M1AP: variants seen among roughly 807,000 people sequenced by gnomAD.
The protein encoded by M1AP is meiosis 1 associated protein, also known as meiosis 1 arrest protein.
Under a neutral mutation model 51.2 loss-of-function variants are expected in M1AP, and 39 were observed. The observed-to-expected ratio is 0.76, with a 90% CI of 0.59 to 1.00. M1AP has a LOEUF of 1.00. Ranked by LOEUF, M1AP falls within the 50% of genes least tolerant of loss-of-function variation. The pLI is 0.00. For missense variants in M1AP, 545 were observed against 641.2 expected (o/e 0.85, Z 1.62); for synonymous variants, 251 against 249.2 (o/e 1.01, Z -0.07).
chr2:74,603,963 C>T (rs1181016923), intron 4 of M1AP, among the ~76,000 whole-genome samples: 2 of 152,150 alleles, frequency 1.3e-5, no homozygotes, highest in Admixed American at 6.5e-5. Flanking sequence ...AAGGCCAGTA[C>T]AGCCCAAAAG....
chr2:74,646,540 T>C (rs1040374011), intron 1 of M1AP, among the ~76,000 whole-genome samples: 1 of 152,182 alleles, frequency 6.6e-6, no homozygotes, highest in African/African-American at 2.4e-5. Flanking sequence ...CTTTCAGAGA[T>C]ATTTTACAAA....
chr2:74,595,152 A>C (rs1175682876), intron 4 of M1AP, among the ~76,000 whole-genome samples: 1 of 152,086 alleles, frequency 6.6e-6, no homozygotes, highest in Non-Finnish European at 1.5e-5. Context: ...AGTAGCTGGG[A>C]CTACAGGTGT....
At chr2:74,562,504 C>CT in intron 7 of M1AP, 81 bp from the exon 8 acceptor site, 1 of 1,519,168 alleles carries the variant, frequency 6.6e-7, no homozygotes, top group Admixed American at 1.9e-5. Flanking sequence ...TGAAGTTTCC[C>CT]TGACTTCCAG....
Position 74,558,721 on chromosome 2 carries a change from G to A in M1AP, c.1588C>T (p.Pro530Ser), listed in dbSNP as rs1677677427. Residue 530 changes from proline to serine, a missense_variant, in exon 11 of 11, where the codon CCC (proline) becomes TCC (serine). Pro to Ser is a moderately conservative substitution (Grantham distance 74). Coordinates refer to ENST00000421985, the MANE Select transcript of M1AP (RefSeq NM_001321739.2). ...TGGGCTCTGGTGCTGGTGACTTAGG[G>A]CCTTGAGGGATCCTTCTCCCACTCT... is the stretch of plus-strand genomic sequence containing the variant. Reference protein sequence around the residue: ...PSEWEKDPSRP With the variant: ...PSEWEKDPSRS 6.2e-7 allele frequency: 1 copy of A among 1,612,252 alleles called. No individual in the cohort carries two copies. Among genetic ancestry groups the A allele is most frequent in the African/African-American group, 1.3e-5 (1 of 74,878 alleles).
At chr2:74,609,195 C>T (rs1681186562) in intron 3 of M1AP, among the ~76,000 whole-genome samples, 2 of 152,102 alleles carry the variant, frequency 1.3e-5, no homozygotes, top group African/African-American at 2.4e-5. Flanking sequence ...CATTGGCCAA[C>T]CTCTCCTCAT....
chr2:74,576,867 G>C (rs1459027773), intron 5 of M1AP: 1 of 1,258,298 alleles, frequency 7.9e-7, no homozygotes, highest in African/African-American at 1.5e-5. Flanking sequence ...ATCTTCAAGA[G>C]TCTGACATGA....
intron 4 of M1AP, among the ~76,000 whole-genome samples, chr2:74,591,735 A>T (rs1282209526): frequency 1.3e-5 from 2 of 152,188 alleles, no homozygotes; most frequent in Non-Finnish European, 2.9e-5. Context: ...GGAGCTAAGT[A>T]GAGTAAGGAA....
rs1183634847 is a variant in M1AP, at chr2:74,584,812, AT to A, written c.596-2966del. Among the ~76,000 whole-genome samples the A allele has an allele frequency of 4.4e-3, 647 of 147,582 alleles. 8 individuals are homozygous for A. Among genetic ancestry groups the A allele is most frequent in the African/African-American group, 0.015 (623 of 40,712 alleles). On this transcript the variant is annotated intron_variant, in intron 4 of 10. Transcript: ENST00000421985. ...CCTTATTGATGTTATTGCCATATAT[AT>A]ATATATATATATATATTTTATTATT...
At chr2:74,570,357 G>C (rs1415598291) in intron 7 of M1AP, among the ~76,000 whole-genome samples, 1 of 152,142 alleles carries the variant, frequency 6.6e-6, no homozygotes, top group African/African-American at 2.4e-5. Context: ...AGAAAGGGGG[G>C]AATTTCTATT....
intron 2 of M1AP, among the ~76,000 whole-genome samples, chr2:74,618,166 T>C (rs761936400): frequency 4.6e-5 from 7 of 152,056 alleles, no homozygotes; most frequent in Non-Finnish European, 5.9e-5. Flanking sequence ...TGATATCAAG[T>C]GAGAGATGGG....
At chr2:74,621,489 A>G (rs1049352508) in intron 2 of M1AP, among the ~76,000 whole-genome samples, 3 of 151,982 alleles carry the variant, frequency 2.0e-5, no homozygotes, top group Non-Finnish European at 4.4e-5. Context: ...GAAGAGTAGT[A>G]AAAAAGATAA....
intron 8 of M1AP, among the ~76,000 whole-genome samples, chr2:74,561,627 C>T (rs1455395419): frequency 6.6e-6 from 1 of 152,124 alleles, no homozygotes; most frequent in African/African-American, 2.4e-5. Context: ...CTTCTGCTTT[C>T]CACTGTGTCT....
chr2:74,574,917 C>A (rs898895591), intron 7 of M1AP, among the ~76,000 whole-genome samples: 5 of 152,208 alleles, frequency 3.3e-5, no homozygotes, highest in African/African-American at 1.2e-4. Flanking sequence ...CTTCTATAGA[C>A]AGGCTTTCTT....
chr2:74,582,768 C>T (rs1403082651), intron 4 of M1AP, among the ~76,000 whole-genome samples: 1 of 152,112 alleles, frequency 6.6e-6, no homozygotes. Context: ...CACCTGTAAT[C>T]CCAGCACCTT....
intron 4 of M1AP, among the ~76,000 whole-genome samples, chr2:74,600,695 T>C (rs1680624127): frequency 6.6e-6 from 1 of 152,174 alleles, no homozygotes. Flanking sequence ...AAATAGAGAA[T>C]GAACAGAAAA....
chr2:74,594,488 G>A (rs1246264240), intron 4 of M1AP, among the ~76,000 whole-genome samples: 1 of 152,082 alleles, frequency 6.6e-6, no homozygotes, highest in Non-Finnish European at 1.5e-5. Context: ...TTAACATTTG[G>A]GTAATTGAAG....
At chr2:74,624,730 A>T (rs1036794249) in intron 2 of M1AP, among the ~76,000 whole-genome samples, 3 of 152,194 alleles carry the variant, frequency 2.0e-5, no homozygotes, top group African/African-American at 7.2e-5. Context: ...AATAGAAGTG[A>T]TGGCAATACT....
chr2:74,588,874 A>G (rs1679871983), intron 4 of M1AP, among the ~76,000 whole-genome samples: 1 of 152,244 alleles, frequency 6.6e-6, no homozygotes, highest in African/African-American at 2.4e-5. Context: ...TTATTTAGTC[A>G]TTCAAGCACT....
At chr2:74,602,206 GT>G (rs990544901) in intron 4 of M1AP, among the ~76,000 whole-genome samples, 3 of 149,796 alleles carry the variant, frequency 2.0e-5, no homozygotes, top group African/African-American at 4.9e-5. Flanking sequence ...CAAATCATTT[GT>G]TTTTTTTTCA....
Sources: gnomAD v4.1 joint callset for allele counts (sites outside exome capture counted in the v4.1 genomes callset) on GRCh38, gnomAD v4.1.1 for gene constraint, MANE v1.5 for transcripts, NCBI Gene and HGNC (gene_info 2026-07-23, HGNC 2026-07-21) for gene names.